KAT6B: variants seen among roughly 807,000 people sequenced by gnomAD.
The protein encoded by KAT6B is histone acetyltransferase KAT6B.
In KAT6B, 10 loss-of-function variants were observed where a neutral mutation model predicts 187.5. The observed-to-expected ratio is 0.05, with a 90% CI of 0.03 to 0.09. The LOEUF (loss-of-function observed/expected upper bound fraction) is 0.09. Among genes scored for constraint, KAT6B ranks in the 10% least tolerant of loss-of-function variants. The probability of loss-of-function intolerance (pLI) is 1.00; values close to 1 mark genes in which losing one functional copy is unlikely to be tolerated. For missense variants in KAT6B, 1,952 were observed against 2,558.9 expected, an observed-to-expected ratio of 0.76 and a Z score of 5.12; for synonymous variants, 861 against 926.8, an observed-to-expected ratio of 0.93 and a Z score of 1.29.
chr10:74,917,766 A>G lies in KAT6B; in HGVS notation c.622-42204A>G, dbSNP rs1847802246. The stretch of plus-strand genomic sequence containing the variant: ...TGATCTGGGTCTTAAAGAATGGGGA[A>G]ACTTTTCCTTGTGGAGAAATGGAGT... On this transcript the variant is annotated intron_variant, in intron 3 of 17. Transcript: ENST00000287239. Among the ~76,000 whole-genome samples, 4 of 152,234 alleles carry G rather than the reference A, an allele frequency of 2.6e-5. No individual in the cohort carries two copies. The South Asian group carries it at 8.3e-4, about 32-fold the overall frequency.
intron 14 of KAT6B, 64 bp from the exon 15 acceptor site, chr10:75,021,061 GT>G: frequency 6.8e-7 from 1 of 1,470,108 alleles, no homozygotes; most frequent in Non-Finnish European, 9.5e-7. Context: ...GCATATGTCC[GT>G]ATGTGAAGCT....
chr10:74,972,488 CAT>C lies in KAT6B; in HGVS notation c.929-10_929-9del. The C allele has an allele frequency of 4.6e-6, 7 of 1,512,672 alleles. No homozygotes were observed. Among genetic ancestry groups the C allele is most frequent in the African/African-American group, 1.4e-5 (1 of 71,894 alleles). The allele number at this position is 1,512,672 out of a possible 1,614,324, so 93.7% of individuals were successfully genotyped here. On this transcript the variant is annotated splice_polypyrimidine_tract_variant and intron_variant, in intron 6 of 17. Coordinates refer to ENST00000287239, the MANE Select transcript of KAT6B (RefSeq NM_012330.4). The stretch of plus-strand genomic sequence containing the variant: ...AAATGAAACATTAAAATATTTTTCT[CAT>C]ATATATATTAATTCAGGGATGTGGA...
intron 13 of KAT6B, among the ~76,000 whole-genome samples, chr10:75,019,060 T>C (rs1043645420): frequency 5.3e-5 from 8 of 152,124 alleles, no homozygotes; most frequent in Non-Finnish European, 1.0e-4. Context: ...CAGGACACAA[T>C]ATGGGCTGGC....
In KAT6B at chr10:75,025,278, C is replaced by T. The variant is rs767452153; in HGVS notation, c.3664+29C>T. On this transcript the variant is annotated intron_variant, in intron 17 of 17. Transcript: ENST00000287239. ...AGTAGAGGAATGATAAAAACCTTAC[C>T]CTTGAGAATGTCTGTATCTGACTGG... 1.9e-6 allele frequency: 3 copies of T among 1,610,588 alleles called. No individual in the cohort carries two copies. The Admixed American group carries it at 5.0e-5, about 27-fold the overall frequency.
At chr10:74,933,469 C>T (rs1160754088) in intron 3 of KAT6B, among the ~76,000 whole-genome samples, 1 of 152,146 alleles carries the variant, frequency 6.6e-6, no homozygotes, top group Non-Finnish European at 1.5e-5. Flanking sequence ...GATAGATGTT[C>T]AGTATTGATT....
intron 13 of KAT6B, among the ~76,000 whole-genome samples, chr10:75,015,723 G>T (rs12221060): frequency 0.03 from 4,593 of 152,288 alleles, 189 homozygotes; most frequent in East Asian, 0.16. Context: ...AGCAGGATTT[G>T]CTGAGCTAAA....
At chr10:74,905,109 T>C (rs1365579849) in intron 3 of KAT6B, among the ~76,000 whole-genome samples, 1 of 152,210 alleles carries the variant, frequency 6.6e-6, no homozygotes, top group African/African-American at 2.4e-5. Flanking sequence ...GTAAAAGGCA[T>C]AGATAGTCTA....
At chr10:74,933,598 T>C (rs1300259194) in intron 3 of KAT6B, among the ~76,000 whole-genome samples, 1 of 152,192 alleles carries the variant, frequency 6.6e-6, no homozygotes, top group Non-Finnish European at 1.5e-5. Flanking sequence ...TTTTATCCCT[T>C]TAAGTGAGAA....
At chr10:74,858,644 G>A (rs1297677681) in intron 3 of KAT6B, among the ~76,000 whole-genome samples, 3 of 152,036 alleles carry the variant, frequency 2.0e-5, no homozygotes, top group East Asian at 1.9e-4. Context: ...TGCCCACAGG[G>A]TGCATGAAAA....
At chr10:74,825,252 G>C (rs1039960772), upstream of KAT6B, among the ~76,000 whole-genome samples, 1 of 151,944 alleles carries the variant, frequency 6.6e-6, no homozygotes, top group Non-Finnish European at 1.5e-5. This position sits in a 1 kb window ranked among gnomAD's most constrained non-coding sequence, Gnocchi z 5.0. Context: ...CAGCCCTGGC[G>C]GGCACACTCC....
At chr10:74,969,410 G>T (rs1045048651) in intron 4 of KAT6B, among the ~76,000 whole-genome samples, 1 of 152,160 alleles carries the variant, frequency 6.6e-6, no homozygotes, top group Non-Finnish European at 1.5e-5. Context: ...CTTCAGATTG[G>T]AATTGGTATA....
At chr10:74,996,820 T>A (rs1843465158) in intron 13 of KAT6B, among the ~76,000 whole-genome samples, 1 of 150,014 alleles carries the variant, frequency 6.7e-6, no homozygotes, top group Admixed American at 6.6e-5. Flanking sequence ...TAATTATTTA[T>A]CTGATCTTTG....
intron 3 of KAT6B, among the ~76,000 whole-genome samples, chr10:74,875,157 T>C (rs149423929): frequency 6.6e-6 from 1 of 152,320 alleles, no homozygotes; most frequent in African/African-American, 2.4e-5. Flanking sequence ...AAGAACAAAA[T>C]GTTGGATAAA....
chr10:74,853,492 C>T lies in KAT6B; in HGVS notation c.621+10014C>T, dbSNP rs140356347. 5.8e-3 allele frequency among the ~76,000 whole-genome samples: 887 copies of T among 152,130 alleles called. 20 individuals carry two copies. The highest frequency in any genetic ancestry group is 0.024 in the Admixed American group (372 of 15,268). ...TATTTTTTGTAGAGATAGGGTTTCG[C>T]CACGTTGCCCAGGCTGGTCTTGAAC... On this transcript the variant is annotated intron_variant, in intron 3 of 17. Transcript: ENST00000287239.
At chr10:74,981,995 C>CT in intron 11 of KAT6B, 67 bp downstream of exon 11, 5 of 1,425,228 alleles carry the variant, frequency 3.5e-6, no homozygotes, top group Non-Finnish European at 4.0e-6. Context: ...TGACTATGTG[C>CT]TGATTTGTGT....
chr10:74,917,008 G>C (rs999088295), intron 3 of KAT6B, among the ~76,000 whole-genome samples: 1 of 152,176 alleles, frequency 6.6e-6, no homozygotes, highest in Non-Finnish European at 1.5e-5. Flanking sequence ...GGGAGGCTGA[G>C]GTGGGAGGAT....
chr10:74,837,975 A>G (rs558263300), intron 1 of KAT6B, among the ~76,000 whole-genome samples: 2 of 151,676 alleles, frequency 1.3e-5, no homozygotes, highest in Non-Finnish European at 1.5e-5. Flanking sequence ...TAAATCGAGG[A>G]GTGGGGTGTG....
chr10:75,023,364 G>A (rs919629021), intron 16 of KAT6B: 5 of 152,236 alleles, frequency 3.3e-5, no homozygotes, highest in Non-Finnish European at 5.9e-5. Context: ...GGTCTCCATG[G>A]GGAGGTGGTA....
chr10:74,862,625 G>A (rs1843260500), intron 3 of KAT6B, among the ~76,000 whole-genome samples: 1 of 152,148 alleles, frequency 6.6e-6, no homozygotes, highest in Admixed American at 6.5e-5. Context: ...GATGTTAATT[G>A]GTCAGGGCTC....
Sources: gnomAD v4.1 joint callset for allele counts (sites outside exome capture counted in the v4.1 genomes callset) on GRCh38, gnomAD v4.1.1 for gene constraint, Gnocchi (gnomAD v3.1) non-coding constraint, MANE v1.5 for transcripts, NCBI Gene and HGNC (gene_info 2026-07-23, HGNC 2026-07-21) for gene names.